The following PDE4D variants were observed in gnomAD, a reference collection of about 807,000 sequenced individuals.
PDE4D encodes the protein phosphodiesterase 4D, also known as 3',5'-cyclic-AMP phosphodiesterase 4D.
In PDE4D, 24 loss-of-function variants were observed where a neutral mutation model predicts 87.4. That is an observed-to-expected ratio of 0.27 (90% confidence interval 0.20 to 0.39). PDE4D has a LOEUF of 0.39. Ranked by LOEUF, PDE4D falls within the 10% of genes least tolerant of loss-of-function variation. The probability of loss-of-function intolerance (pLI) is 1.00; values close to 1 mark genes in which losing one functional copy is unlikely to be tolerated. For synonymous variants in PDE4D, 384 were observed against 383.2 expected (o/e 1.00, Z -0.02); for missense variants, 714 against 1,041.0 (o/e 0.69, Z 4.32).
At chr5:59,296,117 T>C (rs1220349038) in intron 1 of PDE4D, among the ~76,000 whole-genome samples, 1 of 151,904 alleles carries the variant, frequency 6.6e-6, no homozygotes, top group Non-Finnish European at 1.5e-5. Flanking sequence ...AAGTTTGGGG[T>C]CGGGGTGGTT....
intron 5 of PDE4D, among the ~76,000 whole-genome samples, chr5:59,176,223 C>G (rs13358203): frequency 4.7e-5 from 2 of 42,954 alleles, no homozygotes; most frequent in Non-Finnish European, 1.3e-4. Flanking sequence ...CAGTGACCTA[C>G]CTTTAAAACC....
At chr5:60,262,228 G>C (rs78949727) in intron 1 of PDE4D, among the ~76,000 whole-genome samples, 1 of 152,014 alleles carries the variant, frequency 6.6e-6, no homozygotes, top group Admixed American at 6.6e-5. Context: ...AGTTGCTCCC[G>C]TCCCTCAAAC....
At chr5:60,519,342 T>A (rs981256071) in intron 1 of PDE4D, among the ~76,000 whole-genome samples, 3 of 152,206 alleles carry the variant, frequency 2.0e-5, no homozygotes, top group Admixed American at 6.5e-5. Flanking sequence ...CTGAGAACTT[T>A]ACAAAAAATT....
At chr5:60,136,502 T>G (rs530945168) in intron 2 of PDE4D, among the ~76,000 whole-genome samples, 1 of 151,904 alleles carries the variant, frequency 6.6e-6, no homozygotes, top group Admixed American at 6.6e-5. Context: ...TTTAGTGGAG[T>G]CAAGGTTCCA....
At chr5:59,029,087 A>G (rs1421442240) in intron 6 of PDE4D, among the ~76,000 whole-genome samples, 1 of 152,146 alleles carries the variant, frequency 6.6e-6, no homozygotes, top group African/African-American at 2.4e-5. Context: ...AGAAATTAAG[A>G]AAATAATCCC....
intron 1 of PDE4D, among the ~76,000 whole-genome samples, chr5:59,315,961 G>A (rs532177028): frequency 2.5e-4 from 38 of 152,202 alleles, no homozygotes; most frequent in Admixed American, 1.2e-3. Flanking sequence ...ATAATCAGGC[G>A]GGACACTCAA....
chr5:59,591,286 C>T (rs1230183287), intron 1 of PDE4D, among the ~76,000 whole-genome samples: 1 of 152,130 alleles, frequency 6.6e-6, no homozygotes, highest in South Asian at 2.1e-4. Flanking sequence ...TTACACACTT[C>T]CTTCACAATG....
chr5:59,733,396 G>A (rs1372746670), intron 1 of PDE4D, among the ~76,000 whole-genome samples: 2 of 152,112 alleles, frequency 1.3e-5, no homozygotes, highest in Non-Finnish European at 2.9e-5. Context: ...ATTTTGAGAA[G>A]TCAGTCATGG....
chr5:59,320,420 T>A (rs1222563003), intron 1 of PDE4D, among the ~76,000 whole-genome samples: 2 of 152,060 alleles, frequency 1.3e-5, no homozygotes, highest in African/African-American at 4.8e-5. Flanking sequence ...AACCCTGTAT[T>A]TTCATAGGTA....
At chr5:59,992,470 C>T (rs1763116638) in intron 2 of PDE4D, among the ~76,000 whole-genome samples, 1 of 152,128 alleles carries the variant, frequency 6.6e-6, no homozygotes, top group Admixed American at 6.6e-5. Flanking sequence ...AGAACCCTGA[C>T]TAATACATGT....
At chr5:59,597,783 G>A (rs1346871601) in intron 1 of PDE4D, among the ~76,000 whole-genome samples, 5 of 152,108 alleles carry the variant, frequency 3.3e-5, no homozygotes, top group Non-Finnish European at 5.9e-5. Context: ...GCATTCAAGT[G>A]TAGAATAAAT....
intron 1 of PDE4D, among the ~76,000 whole-genome samples, chr5:59,257,896 TG>T (rs1439207960): frequency 2.0e-5 from 3 of 151,870 alleles, no homozygotes; most frequent in Non-Finnish European, 4.4e-5. Flanking sequence ...CCAAGGCCCC[TG>T]GGAAGACAGG....
At chr5:59,738,181 T>C (rs1758342363) in intron 1 of PDE4D, among the ~76,000 whole-genome samples, 2 of 152,142 alleles carry the variant, frequency 1.3e-5, no homozygotes, top group African/African-American at 4.8e-5. Context: ...ACAGGCTAAG[T>C]GATACATGCA....
chr5:59,745,141 A>C (rs1232332500), intron 1 of PDE4D, among the ~76,000 whole-genome samples: 1 of 152,154 alleles, frequency 6.6e-6, no homozygotes, highest in Non-Finnish European at 1.5e-5. Context: ...TGTTCAGATT[A>C]TATGGTTAGG....
intron 1 of PDE4D, among the ~76,000 whole-genome samples, chr5:59,710,162 T>C (rs539686097): frequency 2.5e-4 from 38 of 152,300 alleles, no homozygotes; most frequent in African/African-American, 8.9e-4. Context: ...GTCGGAAGAA[T>C]TCAAGTCAGG....
At chr5:59,572,838 A>G (rs539203085) in intron 1 of PDE4D, among the ~76,000 whole-genome samples, 3 of 152,364 alleles carry the variant, frequency 2.0e-5, no homozygotes, top group South Asian at 4.1e-4. Context: ...ACTTTCAAAT[A>G]TACTACAATC....
intron 5 of PDE4D, among the ~76,000 whole-genome samples, chr5:59,061,988 C>T (rs1763197722): frequency 6.6e-6 from 1 of 152,066 alleles, no homozygotes; most frequent in Non-Finnish European, 1.5e-5. Flanking sequence ...CACTGGTTGA[C>T]ACTCCCTCCA....
intron 2 of PDE4D, among the ~76,000 whole-genome samples, chr5:59,202,345 T>C (rs1747686561): frequency 6.6e-6 from 1 of 152,064 alleles, no homozygotes; most frequent in South Asian, 2.1e-4. Flanking sequence ...TCGCCCGTTT[T>C]GATCATTTTA....
intron 1 of PDE4D, among the ~76,000 whole-genome samples, chr5:59,580,063 A>G (rs1477476334): frequency 6.6e-6 from 1 of 152,240 alleles, no homozygotes; most frequent in East Asian, 1.9e-4. Flanking sequence ...GCTGCTAAAT[A>G]ACAGGGTAAA....
Sources: allele counts gnomAD v4.1 joint callset (sites outside exome capture counted in the v4.1 genomes callset), GRCh38; gene constraint gnomAD v4.1.1; transcripts MANE v1.5; gene names NCBI Gene and HGNC (gene_info 2026-07-23, HGNC 2026-07-21).